The following VIM variants were observed in gnomAD, a reference collection of about 807,000 sequenced individuals.
The protein encoded by VIM is epididymis secretory sperm binding protein.
VIM carries 18 observed loss-of-function variants against 50.3 expected under a neutral mutation model. The observed-to-expected ratio is 0.36, with a 90% CI of 0.25 to 0.53. The LOEUF (loss-of-function observed/expected upper bound fraction) is 0.53, where lower values mean the gene tolerates loss of function less well. Ranked by LOEUF, VIM falls within the 20% of genes least tolerant of loss-of-function variation. The pLI is 0.91. For synonymous variants in VIM, 245 were observed against 248.5 expected (o/e 0.99, Z 0.13); for missense variants, 551 against 614.7 (o/e 0.90, Z 1.10).
chr10:17,233,421 T>A (rs1846829400), intron 3 of VIM, 166 bp from the exon 4 acceptor site: 1 of 669,244 alleles, frequency 1.5e-6, no homozygotes, highest in Admixed American at 2.3e-5. Context: ...GCACAGCATA[T>A]TATAGCACTG....
intron 5 of VIM, among the ~76,000 whole-genome samples, 163 bp from the exon 6 acceptor site, chr10:17,234,530 T>C (rs746179244): frequency 6.6e-6 from 1 of 152,204 alleles, no homozygotes; most frequent in Non-Finnish European, 1.5e-5. Context: ...GAGTGAACTC[T>C]GAAAATACTA....
Position 17,233,630 on chromosome 10 carries a change from A to T in VIM, c.668A>T (p.Lys223Ile). 6.2e-7 allele frequency: 1 copy of T among 1,614,208 alleles called. No homozygotes were observed. Among genetic ancestry groups the T allele is most frequent in the African/African-American group, 1.3e-5 (1 of 75,044 alleles). The change falls in exon 4 of 10, where the codon AAA becomes ATA. Residue 223 changes from lysine to isoleucine, a missense_variant. Physicochemically the swap from Lys to Ile is moderately radical, Grantham distance 102. This residue lies in a region of VIM where 394 missense variants were observed against 437.5 expected (regional missense o/e 0.90). Transcript: ENST00000544301. ...ASLARLDLER[K>I]VESLQEEIAF... ...CTGGCACGTCTTGACCTTGAACGCA[A>T]AGTGGAATCTTTGCAAGAAGAGATT...
chr10:17,229,680 C>A lies in VIM; in HGVS notation c.258C>A (p.Phe86Leu), dbSNP rs1846747549. Residue 86 changes from phenylalanine (F) to leucine (L), a missense_variant, in exon 2 of 10, where the codon TTC becomes TTA. By Grantham distance (22) the Phe-to-Leu change is conservative (BLOSUM62 0). This residue lies in a region of VIM where 23 missense variants were observed against 50.9 expected (regional missense o/e 0.45). Transcript: ENST00000544301. ...GGCTCCTGCAGGACTCGGTGGACTT[C>A]TCGCTGGCCGACGCCATCAACACCG... ...GVRLLQDSVD[F>L]SLADAINTEF... The A allele has an allele frequency of 6.4e-7, 1 of 1,562,436 alleles. No homozygotes were observed. The highest frequency in any genetic ancestry group is 1.9e-5 in the Admixed American group (1 of 52,172).
chr10:17,236,165 T>G, intron 8 of VIM, 129 bp from the exon 9 acceptor site: 1 of 857,834 alleles, frequency 1.2e-6, no homozygotes, highest in Admixed American at 1.8e-5. Context: ...ACCCTAAAAT[T>G]ATTTGGCGAG....
At position 17,237,298 on chromosome 10, in the gene VIM, A is replaced by G; in HGVS notation, c.*27A>G. The G allele has an allele frequency of 6.3e-7, 1 of 1,598,368 alleles. No individual in the cohort carries two copies. Among genetic ancestry groups the G allele is most frequent in the Non-Finnish European group, 8.5e-7 (1 of 1,170,430 alleles). On this transcript the variant is annotated 3_prime_UTR_variant, in exon 10 of 10. Coordinates refer to ENST00000544301, the MANE Select transcript of VIM (RefSeq NM_003380.5). ...AATTGCACACACTCAGTGCAGCAAT[A>G]TATTACCAGCAAGAATAAAAAAGAA...
At position 17,229,626 on chromosome 10, in the gene VIM, G is replaced by A. The variant is rs11545547; in HGVS notation, c.204G>A (p.Val68=). 5.6e-5 allele frequency: 89 copies of A among 1,588,642 alleles called. No individual in the cohort carries two copies. The highest frequency in any genetic ancestry group is 6.8e-5 in the Non-Finnish European group (80 of 1,168,004). ...GGVYATRSSA[V]RLRSSVPGVR... is the part of the protein sequence containing the mutation. ...TGTATGCCACGCGCTCCTCTGCCGTGCGCCTGCGGAGCAGCGTGCCCGGGG... is the reference window on the plus strand; with the variant it reads ...TGTATGCCACGCGCTCCTCTGCCGTACGCCTGCGGAGCAGCGTGCCCGGGG... The change falls in exon 2 of 10, where the codon GTG becomes GTA. Residue 68 remains valine (V), a synonymous_variant. Coordinates refer to ENST00000544301, the MANE Select transcript of VIM (RefSeq NM_003380.5).
chr10:17,235,278 A>G lies in VIM; in HGVS notation c.1118A>G (p.Lys373Arg), dbSNP rs770025384. ...GRLQDEIQNM[K>R]EEMARHLREY... is the part of the protein sequence containing the mutation. ...CTGCAGGATGAGATTCAGAATATGAAGGAGGAAATGGCTCGTCACCTTCGT... is the reference window on the plus strand; with the variant it reads ...CTGCAGGATGAGATTCAGAATATGAGGGAGGAAATGGCTCGTCACCTTCGT... Residue 373 changes from lysine to arginine, a missense_variant, in exon 7 of 10, where the codon AAG (lysine) becomes AGG (arginine). Coordinates refer to ENST00000544301, the MANE Select transcript of VIM (RefSeq NM_003380.5). 1 of 1,614,112 alleles carries G rather than the reference A, an allele frequency of 6.2e-7. No homozygotes were observed. The highest frequency in any genetic ancestry group is 1.3e-5 in the African/African-American group (1 of 74,932).
chr10:17,229,371 G>A lies in VIM; in HGVS notation c.-52G>A, dbSNP rs939907502. 6.5e-7 allele frequency: 1 copy of A among 1,545,358 alleles called. No individual in the cohort carries two copies. Among genetic ancestry groups the A allele is most frequent in the East Asian group, 2.4e-5 (1 of 41,266 alleles). ...GCGCCCTCGTTCGCCTCTTCTCCGGGAGCCAGTCCGCGCCACCGCCGCCGC... is the reference window on the plus strand; with the variant it reads ...GCGCCCTCGTTCGCCTCTTCTCCGGAAGCCAGTCCGCGCCACCGCCGCCGC... On this transcript the variant is annotated 5_prime_UTR_variant, in exon 2 of 10. Transcript: ENST00000544301.
At position 17,237,361 on chromosome 10, in the gene VIM, T is replaced by C. The variant is rs1846910848; in HGVS notation, c.*90T>C. ...AAGAAACAGCTTTCAAGTGCCTTTC[T>C]GCAGTTTTTCAGGAGCGCAAGATAG... On this transcript the variant is annotated 3_prime_UTR_variant, in exon 10 of 10. Coordinates refer to ENST00000544301, the MANE Select transcript of VIM (RefSeq NM_003380.5). The C allele has an allele frequency of 1.5e-6, 2 of 1,365,226 alleles. No homozygotes were observed. The highest frequency in any genetic ancestry group is 4.1e-5 in the Admixed American group (2 of 49,270). 84.6% of individuals were successfully genotyped at this position (1,365,226 alleles called of 1,614,324 possible). A position where few individuals can be genotyped will look rare whatever the true frequency, so the allele number is the denominator to read the frequency against.
chr10:17,230,952 G>C (rs918807833), intron 3 of VIM: 29 of 468,474 alleles, frequency 6.2e-5, no homozygotes, highest in South Asian at 3.2e-4. Flanking sequence ...GCCCAGGCTG[G>C]AGTGCAGTGG....
chr10:17,234,155 G>A, intron 5 of VIM: 1 of 529,452 alleles, frequency 1.9e-6, no homozygotes, highest in East Asian at 3.8e-5. Context: ...TTGCTCTACT[G>A]CCCAGGCTGG....
At chr10:17,235,527 GA>G in intron 7 of VIM, 138 bp downstream of exon 7, 1 of 952,096 alleles carries the variant, frequency 1.1e-6, no homozygotes, top group Non-Finnish European at 1.6e-6. Flanking sequence ...TGTAGAGGAG[GA>G]ATTTGAATTG....
Position 17,236,308 on chromosome 10 carries a change from T to G in VIM, c.1288T>G (p.Ser430Ala), listed in dbSNP as rs955350530. 1 of 1,613,464 alleles carries G rather than the reference T, an allele frequency of 6.2e-7. No individual in the cohort carries two copies. The highest frequency in any genetic ancestry group is 1.3e-5 in the African/African-American group (1 of 74,918). The change falls in exon 9 of 10, where the codon TCA becomes GCA. Residue 430 changes from serine (S) to alanine (A), a missense_variant. Coordinates refer to ENST00000544301, the MANE Select transcript of VIM (RefSeq NM_003380.5). ...TGTTTATTTAGAAACTAATCTGGAT[T>G]CACTCCCTCTGGTTGATACCCACTC... ...SLNLRETNLDSLPLVDTHSKR... is the reference protein window; with the variant it reads ...SLNLRETNLDALPLVDTHSKR...
Position 17,230,654 on chromosome 10 carries a change from CAGG to C in VIM, c.574_576del (p.Glu192del), listed in dbSNP as rs1281686142. The C allele has an allele frequency of 1.2e-6, 2 of 1,613,994 alleles. No individual in the cohort carries two copies. Among genetic ancestry groups the C allele is most frequent in the Non-Finnish European group, 1.7e-6 (2 of 1,180,022 alleles). On this transcript the variant is annotated inframe_deletion, in exon 3 of 10. Coordinates refer to ENST00000544301, the MANE Select transcript of VIM (RefSeq NM_003380.5). Reference sequence around the variant, plus strand: ...GTTAATGCGCAACTGTTTCAGATTGCAGGAGGAGATGCTTCAGAGAGAGGAAGC... The same window carrying C: ...GTTAATGCGCAACTGTTTCAGATTGCAGGAGATGCTTCAGAGAGAGGAAGC...
rs11545554 is a variant in VIM, at chr10:17,229,818, G to C, written c.396G>C (p.Leu132=). The change falls in exon 2 of 10, where the codon CTG becomes CTC. Residue 132 remains leucine, a synonymous_variant. Transcript: ENST00000544301. ...TGGAGCAGCAGAATAAGATCCTGCTGGCCGAGCTCGAGCAGCTCAAGGGCC... is the reference window on the plus strand; with the variant it reads ...TGGAGCAGCAGAATAAGATCCTGCTCGCCGAGCTCGAGCAGCTCAAGGGCC... ...RFLEQQNKIL[L]AELEQLKGQG... 10 of 1,600,636 alleles carry C rather than the reference G, an allele frequency of 6.2e-6. No individual in the cohort carries two copies. The African/African-American group carries it at 6.7e-5, about 11-fold the overall frequency.
rs928603903 is a variant in VIM at position 17,229,628 on chromosome 10, G to T, written c.206G>T (p.Arg69Leu). 1.3e-6 allele frequency: 2 copies of T among 1,585,872 alleles called. No homozygotes were observed. The highest frequency in any genetic ancestry group is 1.7e-6 in the Non-Finnish European group (2 of 1,166,538). ...GVYATRSSAV[R>L]LRSSVPGVRL... ...TATGCCACGCGCTCCTCTGCCGTGC[G>T]CCTGCGGAGCAGCGTGCCCGGGGTG... The change falls in exon 2 of 10, where the codon CGC becomes CTC. Residue 69 changes from arginine (R) to leucine (L), a missense_variant. Physicochemically the swap from Arg to Leu is moderately radical, Grantham distance 102 (BLOSUM62 -2). This residue lies in a region of VIM where 134 missense variants were observed against 126.4 expected (regional missense o/e 1.06). Coordinates refer to ENST00000544301, the MANE Select transcript of VIM (RefSeq NM_003380.5).
At chr10:17,230,528 T>C (rs1016765392) in intron 2 of VIM, 122 bp from the exon 3 acceptor site, 7 of 1,101,986 alleles carry the variant, frequency 6.4e-6, no homozygotes, top group Admixed American at 1.7e-5. Context: ...CTGCAGGCGC[T>C]AGTTGCGCGG....
intron 3 of VIM, among the ~76,000 whole-genome samples, chr10:17,233,073 A>G (rs554645692): frequency 1.3e-5 from 2 of 152,274 alleles, no homozygotes; most frequent in South Asian, 4.1e-4. Flanking sequence ...TCAACCTCCC[A>G]AGTAGCTGGG....
At chr10:17,234,667 C>G (rs1352915169) in intron 5 of VIM, 26 bp from the exon 6 acceptor site, 2 of 1,612,966 alleles carry the variant, frequency 1.2e-6, no homozygotes, top group East Asian at 2.2e-5. Context: ...TGTGAGCAAT[C>G]TACATTTCTG....
Sources: allele counts gnomAD v4.1 joint callset (sites outside exome capture counted in the v4.1 genomes callset), GRCh38; gene constraint gnomAD v4.1.1; regional missense constraint gnomAD v4.1.1; transcripts MANE v1.5; gene names NCBI Gene and HGNC (gene_info 2026-07-23, HGNC 2026-07-21).